The following PTPRT variants were observed in gnomAD, a reference collection of about 807,000 sequenced individuals.
The protein encoded by PTPRT is receptor-type tyrosine-protein phosphatase T.
A neutral mutation model predicts 176.8 loss-of-function variants in PTPRT; 56 were observed. That is an observed-to-expected ratio of 0.32 (90% CI 0.26 to 0.40). The LOEUF is 0.40. Ranked by LOEUF, PTPRT falls within the 10% of genes least tolerant of loss-of-function variation. PTPRT has a pLI of 1.00. For synonymous variants in PTPRT, 783 were observed against 739.0 expected, an observed-to-expected ratio of 1.06 and a Z score of -0.96; for missense variants, 1,540 against 1,908.2, an observed-to-expected ratio of 0.81 and a Z score of 3.60.
At chr20:42,886,916 C>G (rs2079112598) in intron 1 of PTPRT, among the ~76,000 whole-genome samples, 1 of 152,142 alleles carries the variant, frequency 6.6e-6, no homozygotes, top group South Asian at 2.1e-4. Context: ...GGAGGAATGG[C>G]ATTCTGAGTT....
chr20:42,730,702 C>T (rs1198455709), intron 6 of PTPRT, among the ~76,000 whole-genome samples: 1 of 152,196 alleles, frequency 6.6e-6, no homozygotes, highest in Non-Finnish European at 1.5e-5. Context: ...CAGCTTCATC[C>T]TTCCCTGGGA....
intron 9 of PTPRT, among the ~76,000 whole-genome samples, chr20:42,366,053 TC>T (rs937510548): frequency 4.4e-4 from 67 of 152,292 alleles, no homozygotes; most frequent in African/African-American, 1.5e-3. Context: ...CCAGGGGACT[TC>T]CCAAAGCCCT....
At chr20:42,771,351 G>A (rs1455418186) in intron 5 of PTPRT, 84 bp downstream of exon 5, 3 of 1,202,580 alleles carry the variant, frequency 2.5e-6, no homozygotes, top group Non-Finnish European at 2.4e-6. Flanking sequence ...ATACACTTGT[G>A]TTGCCATAGA....
At chr20:42,203,793 T>C (rs1347174722) in intron 15 of PTPRT, among the ~76,000 whole-genome samples, 4 of 152,122 alleles carry the variant, frequency 2.6e-5, no homozygotes, top group Non-Finnish European at 5.9e-5. Context: ...CAAGAAGAAA[T>C]ACCTGTTGCT....
At chr20:42,805,077 G>C (rs917398595) in intron 2 of PTPRT, among the ~76,000 whole-genome samples, 2 of 152,146 alleles carry the variant, frequency 1.3e-5, no homozygotes, top group African/African-American at 4.8e-5. Flanking sequence ...AGTCCTAGGA[G>C]GGTTTCTGTA....
At chr20:42,341,289 C>A (rs1477916710) in intron 11 of PTPRT, among the ~76,000 whole-genome samples, 1 of 152,132 alleles carries the variant, frequency 6.6e-6, no homozygotes, top group South Asian at 2.1e-4. Flanking sequence ...AAGCCTACAC[C>A]AGATGGTCCA....
intron 15 of PTPRT, among the ~76,000 whole-genome samples, chr20:42,229,130 G>A (rs1351069190): frequency 6.6e-6 from 1 of 152,170 alleles, no homozygotes; most frequent in Non-Finnish European, 1.5e-5. Flanking sequence ...AAATCAGAGT[G>A]ATGTGAGGAT....
At chr20:42,918,973 A>G (rs949641039) in intron 1 of PTPRT, among the ~76,000 whole-genome samples, 2 of 152,194 alleles carry the variant, frequency 1.3e-5, no homozygotes, top group Non-Finnish European at 2.9e-5. Context: ...GCAACTCACT[A>G]AACAGTAAAA....
chr20:42,614,914 G>T (rs377566497), intron 7 of PTPRT, among the ~76,000 whole-genome samples: 3 of 144,408 alleles, frequency 2.1e-5, no homozygotes, highest in South Asian at 2.2e-4. Context: ...GGTTTTTTTT[G>T]TTGTTTTCTT....
At chr20:42,789,391 G>T (rs781159017) in intron 3 of PTPRT, among the ~76,000 whole-genome samples, 2 of 152,160 alleles carry the variant, frequency 1.3e-5, no homozygotes, top group Non-Finnish European at 2.9e-5. Flanking sequence ...GATTATACTA[G>T]CTTAGACAGT....
At chr20:42,860,152 C>A (rs2078636585) in intron 2 of PTPRT, among the ~76,000 whole-genome samples, 1 of 152,130 alleles carries the variant, frequency 6.6e-6, no homozygotes, top group African/African-American at 2.4e-5. Flanking sequence ...TTCATCTTGA[C>A]CTGTCTCATT....
chr20:42,350,164 C>T (rs1336915484), intron 11 of PTPRT, among the ~76,000 whole-genome samples: 1 of 151,458 alleles, frequency 6.6e-6, no homozygotes, highest in Admixed American at 6.6e-5. Flanking sequence ...TAAACATGTT[C>T]CAGGAAGTTT....
chr20:42,627,536 C>G (rs548995828), intron 7 of PTPRT, among the ~76,000 whole-genome samples: 1 of 152,054 alleles, frequency 6.6e-6, no homozygotes, highest in Non-Finnish European at 1.5e-5. Context: ...CCTCCCAAAG[C>G]ACTGGGGTTA....
At chr20:42,844,508 AT>A (rs947262878) in intron 2 of PTPRT, among the ~76,000 whole-genome samples, 17 of 151,602 alleles carry the variant, frequency 1.1e-4, no homozygotes, top group Non-Finnish European at 2.1e-4. Flanking sequence ...ATGACAATGG[AT>A]TTTTTTTTCT....
At chr20:42,052,476 C>T in the PTPRT span, among the ~76,000 whole-genome samples, 1 of 152,046 alleles carries the variant, frequency 6.6e-6, no homozygotes, top group African/African-American at 2.4e-5. Flanking sequence ...TGAAGAGTGG[C>T]CCCCCCACAC....
At chr20:42,363,831 C>A (rs1055014106) in intron 9 of PTPRT, among the ~76,000 whole-genome samples, 18 of 152,104 alleles carry the variant, frequency 1.2e-4, no homozygotes, top group Admixed American at 9.8e-4. Flanking sequence ...AGGCTTGGAA[C>A]CCCGGCAGTA....
chr20:42,390,436 A>G (rs772786864), intron 9 of PTPRT, among the ~76,000 whole-genome samples: 2 of 152,240 alleles, frequency 1.3e-5, no homozygotes, highest in Non-Finnish European at 2.9e-5. Context: ...GCCAGCTTCC[A>G]TTAACCAACG....
intron 5 of PTPRT, among the ~76,000 whole-genome samples, chr20:42,760,119 G>C (rs1350460572): frequency 3.3e-5 from 5 of 152,204 alleles, no homozygotes; most frequent in African/African-American, 1.2e-4. Context: ...TCACGAGGCA[G>C]AGAGAGGAGG....
intron 1 of PTPRT, among the ~76,000 whole-genome samples, chr20:42,999,607 G>GTTTT (rs758925660): frequency 2.2e-5 from 3 of 139,386 alleles, no homozygotes; most frequent in Non-Finnish European, 4.9e-5. Flanking sequence ...AAAACTTGTG[G>GTTTT]TTTTTTTTTT....
Sources: allele counts gnomAD v4.1 joint callset (sites outside exome capture counted in the v4.1 genomes callset), GRCh38; gene constraint gnomAD v4.1.1; transcripts MANE v1.5; gene names NCBI Gene and HGNC (gene_info 2026-07-23, HGNC 2026-07-21).